Variants in TLR6 observed in about 807,000 individuals in gnomAD.
The protein encoded by TLR6 is toll-like receptor 6.
In TLR6, 9 loss-of-function variants were observed where a neutral mutation model predicts 16.1. The ratio of observed to expected loss-of-function variants is 0.56; its 90% CI spans 0.34 to 0.98. The LOEUF is 0.98. Among genes scored for constraint, TLR6 ranks in the 50% least tolerant of loss-of-function variants. The pLI is 0.02. For synonymous variants in TLR6, 340 were observed against 338.6 expected (o/e 1.00, Z -0.04); for missense variants, 786 against 921.0 (o/e 0.85, Z 1.90).
At chr4:38,857,352 A>G (rs1713033803), upstream of TLR6, among the ~76,000 whole-genome samples, 1 of 152,208 alleles carries the variant, frequency 6.6e-6, no homozygotes, top group South Asian at 2.1e-4. Context: ...AATCATACCC[A>G]CATTCTGATC....
At chr4:38,841,252 CACA>C (rs1712246759) in intron 1 of TLR6, among the ~76,000 whole-genome samples, 2 of 152,110 alleles carry the variant, frequency 1.3e-5, no homozygotes, top group Non-Finnish European at 2.9e-5. Context: ...AGTACATTAT[CACA>C]ACATTGACTT....
chr4:38,829,730 T>C (rs1727739637), intron 1 of TLR6, among the ~76,000 whole-genome samples, 193 bp from the exon 2 acceptor site: 1 of 152,254 alleles, frequency 6.6e-6, no homozygotes, highest in African/African-American at 2.4e-5. Flanking sequence ...TAGGCCTTGT[T>C]ATCAAAGAAT....
intron 1 of TLR6, among the ~76,000 whole-genome samples, chr4:38,845,948 C>T (rs11933455): frequency 0.012 from 1,791 of 151,650 alleles, 31 homozygotes; most frequent in East Asian, 0.068. Context: ...AAAAATTAGC[C>T]GGGTGTGGCA....
At chr4:38,868,171 G>A in the TLR6 span, 2 of 221,614 alleles carry the variant, frequency 9.0e-6, no homozygotes, top group Non-Finnish European at 9.8e-6. Flanking sequence ...AGCCTGCCTG[G>A]ATCTCCCAAA....
chr4:38,825,783 G>A (rs1465918233), exon 2 of TLR6: 1 of 152,126 alleles, frequency 6.6e-6, no homozygotes, highest in Non-Finnish European at 1.5e-5. Context: ...CTCTTCCATA[G>A]TCAAAGCCAT....
chr4:38,863,089 C>T, the TLR6 span, among the ~76,000 whole-genome samples: 4 of 152,122 alleles, frequency 2.6e-5, no homozygotes, highest in Non-Finnish European at 5.9e-5. Flanking sequence ...TCCTTCCCCA[C>T]CGGTCAGAAG....
At chr4:38,853,355 T>A (rs957731823) in intron 1 of TLR6, among the ~76,000 whole-genome samples, 2 of 150,382 alleles carry the variant, frequency 1.3e-5, no homozygotes, top group Non-Finnish European at 3.0e-5. Flanking sequence ...GTTGTGCACA[T>A]GTACCCTAGA....
At chr4:38,836,885 A>T (rs34116531) in intron 1 of TLR6, among the ~76,000 whole-genome samples, 3,846 of 151,548 alleles carry the variant, frequency 0.025, 70 homozygotes, top group African/African-American at 0.027. Context: ...GGTTGTAGTG[A>T]GCTGAGATTG....
the TLR6 span, among the ~76,000 whole-genome samples, chr4:38,865,343 T>C: frequency 6.6e-6 from 1 of 152,218 alleles, no homozygotes; most frequent in Non-Finnish European, 1.5e-5. Flanking sequence ...AATCTGGTAG[T>C]CCTGGAAGCA....
chr4:38,841,277 A>G (rs1293460848), intron 1 of TLR6, among the ~76,000 whole-genome samples: 1 of 152,212 alleles, frequency 6.6e-6, no homozygotes, highest in Admixed American at 6.5e-5. Context: ...GTGTGCAAGC[A>G]TTGTGTGTGT....
At chr4:38,868,089 G>T in the TLR6 span, 1 of 422,010 alleles carries the variant, frequency 2.4e-6, no homozygotes, top group South Asian at 1.7e-5. Flanking sequence ...GTCGCTCCGG[G>T]TCCACGCTCA....
chr4:38,862,946 A>C, the TLR6 span, among the ~76,000 whole-genome samples: 1 of 150,962 alleles, frequency 6.6e-6, no homozygotes, highest in Non-Finnish European at 1.5e-5. Context: ...AAAAAAAAAA[A>C]AAAAAAAACT....
intron 1 of TLR6, among the ~76,000 whole-genome samples, chr4:38,850,781 A>C (rs1228863950): frequency 2.0e-5 from 3 of 152,246 alleles, no homozygotes; most frequent in Admixed American, 2.0e-4. Context: ...ACGGATTCAC[A>C]GCTGAATTCT....
At chr4:38,855,015 C>T (rs1421753366) in intron 1 of TLR6, among the ~76,000 whole-genome samples, 1 of 152,074 alleles carries the variant, frequency 6.6e-6, no homozygotes, top group Non-Finnish European at 1.5e-5. Flanking sequence ...CGAGACCATC[C>T]TGGCTAACGG....
At chr4:38,836,344 T>C (rs1369087596) in intron 1 of TLR6, among the ~76,000 whole-genome samples, 2 of 152,174 alleles carry the variant, frequency 1.3e-5, no homozygotes, top group Admixed American at 6.5e-5. Context: ...GAGGCAATTA[T>C]GAACACCTAT....
At chr4:38,859,902 C>A (rs1003572897), upstream of TLR6, among the ~76,000 whole-genome samples, 1 of 151,888 alleles carries the variant, frequency 6.6e-6, no homozygotes, top group African/African-American at 2.4e-5. Context: ...TATTTGAATT[C>A]TTCACTATAT....
exon 2 of TLR6, chr4:38,827,223 G>A (rs1434718989): frequency 3.7e-6 from 6 of 1,614,090 alleles, no homozygotes; most frequent in Non-Finnish European, 5.1e-6. Context: ...AGAGCCTTCA[G>A]CTTGTGGTAC....
chr4:38,831,719 A>C (rs1287882355), intron 1 of TLR6, among the ~76,000 whole-genome samples: 1 of 152,250 alleles, frequency 6.6e-6, no homozygotes, highest in South Asian at 2.1e-4. Context: ...CAGACACCTC[A>C]CCAAAGAAGA....
intron 1 of TLR6, among the ~76,000 whole-genome samples, chr4:38,847,370 T>C (rs1281976347): frequency 2.0e-5 from 3 of 151,978 alleles, no homozygotes; most frequent in Non-Finnish European, 4.4e-5. Context: ...ATGCAGAAGA[T>C]GGGTGATTTC....
Sources: allele counts gnomAD v4.1 joint callset (sites outside exome capture counted in the v4.1 genomes callset), GRCh38; gene constraint gnomAD v4.1.1; transcripts MANE v1.5; gene names NCBI Gene and HGNC (gene_info 2026-07-23, HGNC 2026-07-21).